The following HS6ST2 variants were observed in gnomAD, a reference collection of about 807,000 sequenced individuals.
The protein encoded by HS6ST2 is heparan sulfate 6-O-sulfotransferase 2, also known as heparan-sulfate 6-O-sulfotransferase 2.
HS6ST2 carries 17 observed loss-of-function variants against 33.0 expected under a neutral mutation model. The observed-to-expected ratio is 0.52, with a 90% CI of 0.35 to 0.77. The LOEUF is 0.77. HS6ST2 is among the 30% of genes least tolerant of loss of function. The pLI is 0.01. For synonymous variants in HS6ST2, 248 were observed against 237.1 expected (o/e 1.05, Z -0.42); for missense variants, 519 against 551.7 (o/e 0.94, Z 0.59).
intron 2 of HS6ST2, among the ~76,000 whole-genome samples, chrX:132,956,600 C>A (rs1043198875): frequency 8.0e-5 from 9 of 112,729 alleles, no homozygotes; most frequent in Non-Finnish European, 1.5e-4. Flanking sequence ...GACAGACAGA[C>A]GGTCAGTCCG....
At chrX:132,711,779 G>C (rs1602600204) in intron 2 of HS6ST2, among the ~76,000 whole-genome samples, 1 of 111,983 alleles carries the variant, frequency 8.9e-6, no homozygotes, top group Non-Finnish European at 1.9e-5. Context: ...TTGAAACATA[G>C]AGTGGCAGAT....
At chrX:132,850,274 G>A (rs995187854) in intron 2 of HS6ST2, among the ~76,000 whole-genome samples, 3 of 111,662 alleles carry the variant, frequency 2.7e-5, no homozygotes, top group Non-Finnish European at 5.6e-5. Context: ...GACGTGCTCT[G>A]GTGAGCCAAT....
chrX:132,721,669 C>A (rs1017484031), intron 2 of HS6ST2, among the ~76,000 whole-genome samples: 4 of 111,811 alleles, frequency 3.6e-5, no homozygotes, highest in African/African-American at 9.7e-5. Context: ...ATATTTATTT[C>A]TTTCCTTTTG....
intron 2 of HS6ST2, among the ~76,000 whole-genome samples, chrX:132,751,980 C>T (rs1311837936): frequency 8.9e-6 from 1 of 112,247 alleles, no homozygotes; most frequent in Non-Finnish European, 1.9e-5. Flanking sequence ...CCAGCATCCT[C>T]ATTTTATAGA....
At chrX:132,668,376 T>C (rs1453230124) in intron 4 of HS6ST2, 1 of 110,777 alleles carries the variant, frequency 9.0e-6, no homozygotes, top group Admixed American at 9.7e-5. Flanking sequence ...ACCACAGGGT[T>C]GAAGCAACTT....
At chrX:132,818,988 A>G (rs1272169394) in intron 2 of HS6ST2, among the ~76,000 whole-genome samples, 1 of 111,357 alleles carries the variant, frequency 9.0e-6, no homozygotes, top group Non-Finnish European at 1.9e-5. Context: ...TTTAAGATGT[A>G]TTTTCAATGT....
intron 2 of HS6ST2, among the ~76,000 whole-genome samples, chrX:132,926,307 C>T (rs1484315326): frequency 8.9e-6 from 1 of 112,456 alleles, no homozygotes; most frequent in African/African-American, 3.2e-5. Flanking sequence ...GGCTTGGCAA[C>T]TGCAATGGGA....
intron 2 of HS6ST2, among the ~76,000 whole-genome samples, chrX:132,811,303 C>T (rs1286369604): frequency 9.1e-6 from 1 of 110,437 alleles, no homozygotes; most frequent in Non-Finnish European, 1.9e-5. Flanking sequence ...CCAGGAGACC[C>T]CAGTCAAGCT....
At chrX:132,718,867 C>G (rs1472439939) in intron 2 of HS6ST2, among the ~76,000 whole-genome samples, 1 of 104,942 alleles carries the variant, frequency 9.5e-6, no homozygotes, top group Non-Finnish European at 1.9e-5. Flanking sequence ...CAGATCAGGT[C>G]TCTCTCTCTC....
intron 2 of HS6ST2, among the ~76,000 whole-genome samples, chrX:132,734,005 G>T (rs1173050595): frequency 1.0e-5 from 1 of 99,915 alleles, no homozygotes; most frequent in African/African-American, 3.8e-5. Context: ...AAAAGCAACA[G>T]TCTAGGAATC....
intron 2 of HS6ST2, among the ~76,000 whole-genome samples, chrX:132,817,742 G>T (rs985795172): frequency 7.2e-5 from 8 of 111,822 alleles, no homozygotes; most frequent in Non-Finnish European, 1.5e-4. Flanking sequence ...ATTAAAAGCA[G>T]GAGCTAGACT....
At chrX:132,947,789 T>C (rs2066972560) in intron 2 of HS6ST2, among the ~76,000 whole-genome samples, 2 of 111,958 alleles carry the variant, frequency 1.8e-5, no homozygotes, top group South Asian at 7.5e-4. Context: ...GCTGCCATGA[T>C]CAAAGAGCCC....
At chrX:132,770,833 G>A (rs1365468019) in intron 2 of HS6ST2, among the ~76,000 whole-genome samples, 1 of 111,184 alleles carries the variant, frequency 9.0e-6, no homozygotes, top group African/African-American at 3.3e-5. Flanking sequence ...ATAAAAATGT[G>A]TATACCCTTA....
intron 2 of HS6ST2, among the ~76,000 whole-genome samples, chrX:132,880,961 AT>A (rs767932423): frequency 1.1e-3 from 123 of 109,895 alleles, no homozygotes; most frequent in African/African-American, 4.0e-3. Context: ...TGCACTCATC[AT>A]TTTTTATGGC....
intron 2 of HS6ST2, among the ~76,000 whole-genome samples, chrX:132,772,714 T>C (rs1490651250): frequency 3.2e-4 from 31 of 95,737 alleles, no homozygotes; most frequent in African/African-American, 1.1e-3. Context: ...ATATACAATA[T>C]ATAAAAATAT....
chrX:132,790,809 C>T (rs374287487), intron 2 of HS6ST2, among the ~76,000 whole-genome samples: 61 of 111,886 alleles, frequency 5.5e-4, no homozygotes, highest in African/African-American at 1.9e-3. Context: ...CTTTAAAATG[C>T]CTATTACATT....
intron 2 of HS6ST2, among the ~76,000 whole-genome samples, chrX:132,715,060 G>A (rs1336699341): frequency 5.4e-5 from 6 of 112,040 alleles, no homozygotes; most frequent in Non-Finnish European, 1.1e-4. Context: ...CCTACTGACA[G>A]CATAGAGTCA....
chrX:132,728,869 A>G (rs749573433), intron 2 of HS6ST2, among the ~76,000 whole-genome samples: 1 of 112,756 alleles, frequency 8.9e-6, no homozygotes, highest in East Asian at 2.8e-4. Flanking sequence ...AGATGACGAC[A>G]TAGAAGTATA....
intron 2 of HS6ST2, among the ~76,000 whole-genome samples, chrX:132,787,167 G>GTGTATATATATATATATATA (rs1405731624): frequency 3.9e-5 from 2 of 51,385 alleles, no homozygotes; most frequent in African/African-American, 9.9e-5. Flanking sequence ...ATATATATAT[G>GTGTATATATATATATATATA]TATATATATA....
Sources: gnomAD v4.1 joint callset for allele counts (sites outside exome capture counted in the v4.1 genomes callset) on GRCh38, gnomAD v4.1.1 for gene constraint, MANE v1.5 for transcripts, NCBI Gene and HGNC (gene_info 2026-07-23, HGNC 2026-07-21) for gene names.